TPM3: variants seen among roughly 807,000 people sequenced by gnomAD.
The protein encoded by TPM3 is tropomyosin 3.
In TPM3, 16 loss-of-function variants were observed where a neutral mutation model predicts 43.1. That is an observed-to-expected ratio of 0.37 (90% CI 0.25 to 0.56). TPM3 has a LOEUF of 0.56. TPM3 is among the 20% of genes least tolerant of loss of function. The pLI is 0.77. For missense variants in TPM3, 176 were observed against 337.2 expected (o/e 0.52, Z 3.74); for synonymous variants, 101 against 116.9 (o/e 0.86, Z 0.88).
At chr1:154,189,808 A>T in intron 2 of TPM3, among the ~76,000 whole-genome samples, 1 of 150,970 alleles carries the variant, frequency 6.6e-6, no homozygotes, top group East Asian at 1.9e-4. Flanking sequence ...CAAAAAAAAA[A>T]AAAAAAAAAA....
Position 154,166,188 on chromosome 1 carries a change from A to G in TPM3, c.*1749T>C. 4.4e-6 allele frequency: 1 copy of G among 228,158 alleles called. No individual in the cohort carries two copies. The allele number at this position is 228,158 out of a possible 1,614,324, so 14.1% of individuals were successfully genotyped here. ...TTGATATGACTTAAAGTTTTAGATT[A>G]AGGAAAACTTCCCTACCTGATTATA... is the stretch of plus-strand genomic sequence containing the variant. On this transcript the variant is annotated 3_prime_UTR_variant, in exon 10 of 10. Coordinates refer to ENST00000651641, the MANE Select transcript of TPM3 (RefSeq NM_152263.4).
Position 154,189,220 on chromosome 1 carries a change from C to T in TPM3, c.243+1966G>A, listed in dbSNP as rs182605808. Among the ~76,000 whole-genome samples, 454 of 146,126 alleles carry T rather than the reference C, an allele frequency of 3.1e-3. 5 individuals are homozygous for T. The highest frequency in any genetic ancestry group is 0.011 in the African/African-American group (431 of 39,588). On this transcript the variant is annotated intron_variant, in intron 2 of 9. Transcript: ENST00000651641. ...GGCTTAGGCTGGGCGCAGTGGCTCACGCCTGTAATCCCAGTACTTTGGGAC... is the reference window on the plus strand; with the variant it reads ...GGCTTAGGCTGGGCGCAGTGGCTCATGCCTGTAATCCCAGTACTTTGGGAC...
At chr1:154,174,366 G>GTATATA (rs1367134531) in intron 3 of TPM3, among the ~76,000 whole-genome samples, 1 of 14,976 alleles carries the variant, frequency 6.7e-5, no homozygotes, top group Admixed American at 1.4e-3. Context: ...TTAAATATAT[G>GTATATA]TGTATATATA....
intron 2 of TPM3, among the ~76,000 whole-genome samples, chr1:154,178,382 C>G (rs923613638): frequency 2.6e-5 from 4 of 152,220 alleles, no homozygotes; most frequent in African/African-American, 9.6e-5. Flanking sequence ...AAGCCTGTAT[C>G]AAAAGCAGAA....
rs749789730 is a variant in TPM3, at chr1:154,170,710, T to C, written c.644A>G (p.Tyr215Cys). 13 of 1,598,210 alleles carry C rather than the reference T, an allele frequency of 8.1e-6. No homozygotes were observed. The highest frequency in any genetic ancestry group is 1.1e-5 in the Non-Finnish European group (13 of 1,167,248). ...CTCATATTTATCTTCTTTTTGAGAGTACTGTAAGATAAGTAGATTAAAAAT... is the reference window on the plus strand; with the variant it reads ...CTCATATTTATCTTCTTTTTGAGAGCACTGTAAGATAAGTAGATTAAAAAT... Reference protein sequence around the residue: ...LKSLEAQAEKYSQKEDKYEEE... With the variant: ...LKSLEAQAEKCSQKEDKYEEE... The change falls in exon 7 of 10, where the codon TAC becomes TGC. Residue 215 changes from tyrosine (Y) to cysteine (C), a missense_variant and splice_region_variant. By Grantham distance (194) the Tyr-to-Cys change is radical. Transcript: ENST00000651641.
intron 9 of TPM3, among the ~76,000 whole-genome samples, chr1:154,168,823 G>A (rs1255837106): frequency 7.9e-5 from 12 of 151,010 alleles, no homozygotes; most frequent in Admixed American, 7.9e-4. Context: ...ACTACGCCCA[G>A]CCTTTAATGT....
intron 5 of TPM3, chr1:154,172,195 A>C: frequency 7.5e-7 from 1 of 1,325,394 alleles, no homozygotes; most frequent in Non-Finnish European, 1.1e-6. Context: ...AAGCAGCAAA[A>C]CGAAAAAAAA....
At chr1:154,187,699 T>C (rs1430467921) in intron 2 of TPM3, among the ~76,000 whole-genome samples, 3 of 151,550 alleles carry the variant, frequency 2.0e-5, no homozygotes, top group Non-Finnish European at 1.5e-5. Flanking sequence ...GCGTACAGCC[T>C]CTATGTTATT....
At chr1:154,183,595 C>T in intron 2 of TPM3, 1 of 237,564 alleles carries the variant, frequency 4.2e-6, no homozygotes, top group South Asian at 5.1e-5. Flanking sequence ...CTACAAGTCT[C>T]TGCTTCCACT....
chr1:154,171,839 G>A, intron 5 of TPM3: 1 of 733,526 alleles, frequency 1.4e-6, no homozygotes, highest in South Asian at 1.6e-5. Context: ...ACCCTGTGGA[G>A]AGGCAGTGAA....
chr1:154,171,931 A>C, intron 5 of TPM3: 1 of 1,283,194 alleles, frequency 7.8e-7, no homozygotes, highest in Non-Finnish European at 1.1e-6. Context: ...ACAGCACTCA[A>C]CAAAATCAAG....
Position 154,163,295 on chromosome 1 carries a change from G to A in TPM3, c.*4642C>T, listed in dbSNP as rs927785655. On this transcript the variant is annotated 3_prime_UTR_variant, in exon 10 of 10. Coordinates refer to ENST00000651641, the MANE Select transcript of TPM3 (RefSeq NM_152263.4). ...CACACTAGCCATGTTTTGAGTGCTTGACTGCCACATGTGGCTAATGTACTA... is the reference window on the plus strand; with the variant it reads ...CACACTAGCCATGTTTTGAGTGCTTAACTGCCACATGTGGCTAATGTACTA... Among the ~76,000 whole-genome samples the A allele has an allele frequency of 2.0e-5, 3 of 152,186 alleles. No individual in the cohort carries two copies. Among genetic ancestry groups the A allele is most frequent in the Admixed American group, 1.3e-4 (2 of 15,284 alleles).
rs1263437347 is a variant in TPM3, at chr1:154,165,630, A to T, written c.*2307T>A. ...ATGGTGAAACCTCACCTCTACTAAT[A>T]ATACAAAAATTAGCTGGGTGTGGTG... On this transcript the variant is annotated 3_prime_UTR_variant, in exon 10 of 10. Coordinates refer to ENST00000651641, the MANE Select transcript of TPM3 (RefSeq NM_152263.4). Among the ~76,000 whole-genome samples, 1 of 151,636 alleles carries T rather than the reference A, an allele frequency of 6.6e-6. No individual in the cohort carries two copies. The highest frequency in any genetic ancestry group is 1.5e-5 in the Non-Finnish European group (1 of 67,942).
At chr1:154,171,907 C>T in intron 5 of TPM3, 3 of 1,012,918 alleles carry the variant, frequency 3.0e-6, no homozygotes, top group Non-Finnish European at 4.7e-6. Flanking sequence ...TGGAGCATTC[C>T]ATGAAGAGAT....
intron 2 of TPM3, chr1:154,178,131 T>C (rs1350467956): frequency 6.1e-6 from 6 of 984,970 alleles, no homozygotes; most frequent in African/African-American, 1.8e-5. Context: ...AGACGAAAAA[T>C]ACAACTAGAT....
chr1:154,174,405 T>TACACACAC lies in TPM3; in HGVS notation c.378-1205_378-1204insGTGTGTGT, dbSNP rs1198280346. 2.6e-3 allele frequency among the ~76,000 whole-genome samples: 231 copies of TACACACAC among 89,524 alleles called. 16 individuals carry two copies. Among genetic ancestry groups the TACACACAC allele is most frequent in the African/African-American group, 0.011 (200 of 18,616 alleles). The allele number at this position is 89,524 out of a possible 152,430, so 58.7% of individuals were successfully genotyped here. A position where few individuals can be genotyped will look rare whatever the true frequency, so the allele number is the denominator to read the frequency against. The stretch of plus-strand genomic sequence containing the variant: ...ATATATATATATATATATATATATA[T>TACACACAC]ATACACACAAAAATCCCATCCCAGC... On this transcript the variant is annotated intron_variant, in intron 3 of 9. Coordinates refer to ENST00000651641, the MANE Select transcript of TPM3 (RefSeq NM_152263.4).
At chr1:154,172,325 CCCAGAAGGTA>C (rs766450360) in intron 5 of TPM3, 17 of 706,012 alleles carry the variant, frequency 2.4e-5, no homozygotes, top group Non-Finnish European at 2.4e-5. Flanking sequence ...TTAATCAAGG[CCCAGAAGGTA>C]CCGACGGGAG....
At chr1:154,160,839 C>T (rs1037861769), downstream of TPM3, among the ~76,000 whole-genome samples, 1 of 152,072 alleles carries the variant, frequency 6.6e-6, no homozygotes, top group East Asian at 1.9e-4. Context: ...CAACATGATG[C>T]TCAAAGAAAA....
chr1:154,188,328 T>C (rs1663503301), intron 2 of TPM3, among the ~76,000 whole-genome samples: 1 of 151,678 alleles, frequency 6.6e-6, no homozygotes, highest in Non-Finnish European at 1.5e-5. Flanking sequence ...AGCAAAGTGC[T>C]GGAATTACAG....
Sources: allele counts gnomAD v4.1 joint callset (sites outside exome capture counted in the v4.1 genomes callset), GRCh38; gene constraint gnomAD v4.1.1; transcripts MANE v1.5; gene names NCBI Gene and HGNC (gene_info 2026-07-23, HGNC 2026-07-21).